The following PLXNA4 variants were observed in gnomAD, a reference collection of about 807,000 sequenced individuals.
PLXNA4 encodes the protein plexin A4, also known as plexin-A4.
In PLXNA4, 44 loss-of-function variants were observed where a neutral mutation model predicts 191.8. That is an observed-to-expected ratio of 0.23 (90% CI 0.18 to 0.29). The LOEUF (loss-of-function observed/expected upper bound fraction) is 0.29. Among genes scored for constraint, PLXNA4 ranks in the 10% least tolerant of loss-of-function variants. The pLI is 1.00. For missense variants in PLXNA4, 1,800 were observed against 2,488.8 expected, an observed-to-expected ratio of 0.72 and a Z score of 5.89; for synonymous variants, 1,082 against 1,009.5, an observed-to-expected ratio of 1.07 and a Z score of -1.36.
chr7:132,353,852 C>T (rs1166657188), intron 3 of PLXNA4, among the ~76,000 whole-genome samples: 1 of 152,138 alleles, frequency 6.6e-6, no homozygotes, highest in Non-Finnish European at 1.5e-5. Context: ...CTGTTTTCTG[C>T]AAGGAAGGTC....
chr7:132,172,398 G>T (rs920460682), intron 21 of PLXNA4, among the ~76,000 whole-genome samples: 2 of 152,202 alleles, frequency 1.3e-5, no homozygotes, highest in Non-Finnish European at 2.9e-5. Context: ...ACTTGAGGGG[G>T]CTGGGTGACC....
chr7:132,256,915 G>A (rs1488128084), intron 4 of PLXNA4, among the ~76,000 whole-genome samples: 1 of 152,186 alleles, frequency 6.6e-6, no homozygotes, highest in Non-Finnish European at 1.5e-5. Flanking sequence ...AGATAACACT[G>A]GACAGCTGTA....
intron 30 of PLXNA4, among the ~76,000 whole-genome samples, chr7:132,134,833 A>C: frequency 1.3e-5 from 2 of 151,634 alleles, no homozygotes; most frequent in African/African-American, 4.8e-5. Flanking sequence ...CAGAACCCTC[A>C]GGGCCCAGTA....
intron 3 of PLXNA4, among the ~76,000 whole-genome samples, chr7:132,300,859 C>T (rs1189613607): frequency 6.6e-6 from 1 of 152,242 alleles, no homozygotes; most frequent in Admixed American, 6.5e-5. Flanking sequence ...AACTAAGCTC[C>T]ATCCAGTGCC....
intron 12 of PLXNA4, among the ~76,000 whole-genome samples, chr7:132,199,407 C>T (rs1382362455): frequency 6.6e-6 from 1 of 152,192 alleles, no homozygotes; most frequent in Non-Finnish European, 1.5e-5. Flanking sequence ...TACCCTCGTA[C>T]ACAGGTCAAA....
intron 9 of PLXNA4, among the ~76,000 whole-genome samples, chr7:132,215,784 G>A (rs923983468): frequency 5.9e-5 from 9 of 152,208 alleles, no homozygotes; most frequent in African/African-American, 1.7e-4. Flanking sequence ...AACAGGTGGC[G>A]ATGCTGACAG....
At chr7:132,326,483 C>T (rs879880169) in intron 3 of PLXNA4, among the ~76,000 whole-genome samples, 1 of 152,112 alleles carries the variant, frequency 6.6e-6, no homozygotes. Flanking sequence ...GGTCTGGCCC[C>T]CTCTCTGTCC....
At chr7:132,148,282 C>T (rs539367610) in intron 26 of PLXNA4, among the ~76,000 whole-genome samples, 1 of 152,184 alleles carries the variant, frequency 6.6e-6, no homozygotes, top group Non-Finnish European at 1.5e-5. Flanking sequence ...GCCTTAAATG[C>T]CCAGAGGAAC....
intron 31 of PLXNA4, among the ~76,000 whole-genome samples, chr7:132,132,468 C>CTGTTCTGTTCTGCTCTGT (rs1563048357): frequency 1.3e-4 from 6 of 44,564 alleles, no homozygotes; most frequent in African/African-American, 4.9e-4. Context: ...TTCTGTTCTG[C>CTGTTCTGTTCTGCTCTGT]TCTGCTCTGC....
intron 1 of PLXNA4, among the ~76,000 whole-genome samples, chr7:132,570,803 C>T (rs114535282): frequency 0.034 from 5,164 of 152,184 alleles, 195 homozygotes; most frequent in African/African-American, 0.089. Flanking sequence ...TTTGCTGTTG[C>T]GAATCCTGGT....
At chr7:132,191,829 T>A (rs973072944) in intron 14 of PLXNA4, among the ~76,000 whole-genome samples, 74 of 141,540 alleles carry the variant, frequency 5.2e-4, no homozygotes, top group Non-Finnish European at 2.4e-4. Flanking sequence ...TATATATATA[T>A]ATATACACAC....
chr7:132,253,856 C>A (rs1161625927), intron 4 of PLXNA4, among the ~76,000 whole-genome samples: 1 of 152,168 alleles, frequency 6.6e-6, no homozygotes, highest in Non-Finnish European at 1.5e-5. Context: ...AGGACCAGGG[C>A]ACCTCTGCCT....
At chr7:132,528,838 T>C (rs1366999893) in intron 1 of PLXNA4, among the ~76,000 whole-genome samples, 1 of 152,192 alleles carries the variant, frequency 6.6e-6, no homozygotes, top group African/African-American at 2.4e-5. Flanking sequence ...GGTCTTCTTG[T>C]GTGAGGCCAC....
At position 132,538,312 on chromosome 7, in the gene PLXNA4, C is replaced by A. The variant is rs575838322; in HGVS notation, c.-86-29533G>T. ...GCCCCATGAAGTTATATGATCAGCA[C>A]AAATGCACCGGCAAGGTCTTAGGCA... On this transcript the variant is annotated intron_variant, in intron 1 of 31. Transcript: ENST00000321063. Among the ~76,000 whole-genome samples the A allele has an allele frequency of 3.9e-5, 6 of 152,310 alleles. No homozygotes were observed. In the South Asian group the frequency reaches 1.2e-3, roughly 32 times the overall value.
At chr7:132,534,181 C>G (rs1380531472) in intron 1 of PLXNA4, among the ~76,000 whole-genome samples, 1 of 152,022 alleles carries the variant, frequency 6.6e-6, no homozygotes, top group African/African-American at 2.4e-5. Context: ...AACAGAAAGC[C>G]GGTCAGCTTC....
intron 24 of PLXNA4, among the ~76,000 whole-genome samples, chr7:132,160,023 A>G (rs1260746462): frequency 6.6e-6 from 1 of 152,210 alleles, no homozygotes; most frequent in Non-Finnish European, 1.5e-5. Flanking sequence ...TACAGGAGGC[A>G]GTGTCTCAGC....
chr7:132,579,369 T>C (rs1346230715), upstream of PLXNA4, among the ~76,000 whole-genome samples: 1 of 152,150 alleles, frequency 6.6e-6, no homozygotes, highest in Non-Finnish European at 1.5e-5. Context: ...TCAGTCATTC[T>C]AGCATGTATT....
intron 1 of PLXNA4, among the ~76,000 whole-genome samples, chr7:132,569,825 C>G (rs770385560): frequency 5.3e-5 from 8 of 152,156 alleles, no homozygotes; most frequent in African/African-American, 9.7e-5. Context: ...ATGCTGAGGC[C>G]AGAGGTGGAC....
At position 132,268,866 on chromosome 7, in the gene PLXNA4, C is replaced by T. The variant is rs543130518; in HGVS notation, c.1504-27700G>A. The stretch of plus-strand genomic sequence containing the variant: ...GGGAAGGAGTATCATGTCACCTTTT[C>T]CTGAGTCCCACTTATTGATGTTTCA... On this transcript the variant is annotated intron_variant, in intron 4 of 31. Coordinates refer to ENST00000321063, the MANE Select transcript of PLXNA4 (RefSeq NM_020911.2). Among the ~76,000 whole-genome samples, 4 of 152,266 alleles carry T rather than the reference C, an allele frequency of 2.6e-5. No individual in the cohort carries two copies. The East Asian group carries it at 7.7e-4, about 29-fold the overall frequency.
Sources: allele counts gnomAD v4.1 joint callset (sites outside exome capture counted in the v4.1 genomes callset), GRCh38; gene constraint gnomAD v4.1.1; transcripts MANE v1.5; gene names NCBI Gene and HGNC (gene_info 2026-07-23, HGNC 2026-07-21).